SLIT1: variants seen among roughly 807,000 people sequenced by gnomAD.
SLIT1 encodes the protein slit guidance ligand 1.
A neutral mutation model predicts 186.1 loss-of-function variants in SLIT1; 66 were observed. That is an observed-to-expected ratio of 0.35 (90% CI 0.29 to 0.44). The LOEUF is 0.44. Among genes scored for constraint, SLIT1 ranks in the 20% least tolerant of loss-of-function variants. The pLI is 1.00. For missense variants in SLIT1, 1,638 were observed against 2,037.4 expected (o/e 0.80, Z 3.77); for synonymous variants, 761 against 833.8 (o/e 0.91, Z 1.50).
intron 5 of SLIT1, 27 bp downstream of exon 5, chr10:97,065,988 C>G: frequency 6.4e-7 from 1 of 1,554,626 alleles, no homozygotes; most frequent in South Asian, 1.2e-5. Context: ...GCCCCCACAC[C>G]CTTCTCCCTC....
chr10:97,146,647 C>G (rs1052445694), intron 4 of SLIT1, among the ~76,000 whole-genome samples: 10 of 151,524 alleles, frequency 6.6e-5, no homozygotes, highest in African/African-American at 2.4e-4. Context: ...GTTTCTGGAC[C>G]ACAAGTCCAG....
rs1848344362 is a variant in SLIT1, at chr10:97,004,689, C to T, written c.3710+4G>A. The T allele has an allele frequency of 6.2e-7, 1 of 1,613,996 alleles. No individual in the cohort carries two copies. Among genetic ancestry groups the T allele is most frequent in the Non-Finnish European group, 8.5e-7 (1 of 1,180,002 alleles). ...GGCAGCTGGGGGGCATAAGGAAGCC[C>T]TACCTGTAGATGGCAGAGCTGGGGT... On this transcript the variant is annotated splice_donor_region_variant and intron_variant, in intron 33 of 36. Transcript: ENST00000266058. This position sits in a 1 kb window ranked among gnomAD's most constrained non-coding sequence, Gnocchi z 5.1.
At position 97,176,585 on chromosome 10, in the gene SLIT1, G is replaced by T. The variant is rs180739115; in HGVS notation, c.197+8893C>A. Among the ~76,000 whole-genome samples the T allele has an allele frequency of 2.6e-5, 4 of 152,196 alleles. No homozygotes were observed. The East Asian group carries it at 7.7e-4, about 29-fold the overall frequency. ...GCCGGCCATCTGCCTCCTGCCTTCC[G>T]CTTCTCCCAGGAAACTGCTCTGCCC... On this transcript the variant is annotated intron_variant, in intron 1 of 36. Transcript: ENST00000266058.
intron 4 of SLIT1, among the ~76,000 whole-genome samples, chr10:97,142,447 C>G (rs545886214): frequency 6.6e-6 from 1 of 152,330 alleles, no homozygotes; most frequent in East Asian, 1.9e-4. Context: ...GGACCCTTAT[C>G]TGATACCATA....
chr10:97,076,436 C>T (rs761076104), intron 4 of SLIT1, among the ~76,000 whole-genome samples: 2 of 152,142 alleles, frequency 1.3e-5, no homozygotes, highest in Admixed American at 6.5e-5. Flanking sequence ...TGGACCATCC[C>T]GCCTTTGTCT....
intron 2 of SLIT1, 99 bp downstream of exon 2, chr10:97,164,720 C>T (rs1589418163): frequency 1.1e-6 from 1 of 878,640 alleles, no homozygotes; most frequent in South Asian, 1.4e-5. Flanking sequence ...GGTAGAGGGG[C>T]CCAGACAGCC....
At chr10:97,037,795 C>A (rs762389716) in intron 21 of SLIT1, 29 bp from the exon 22 acceptor site, 1 of 1,574,796 alleles carries the variant, frequency 6.4e-7, no homozygotes, top group Non-Finnish European at 8.7e-7. Context: ...GGCGTTAGTG[C>A]CCATCTCCAC....
chr10:97,181,815 G>A (rs1207775006), intron 1 of SLIT1, among the ~76,000 whole-genome samples: 1 of 152,172 alleles, frequency 6.6e-6, no homozygotes, highest in East Asian at 1.9e-4. Context: ...TCTGCACAAG[G>A]GGAACCTTCC....
At chr10:97,090,152 CAGTGGGGGAGCCAAAAA>C (rs887864552) in intron 4 of SLIT1, among the ~76,000 whole-genome samples, 3 of 152,190 alleles carry the variant, frequency 2.0e-5, no homozygotes, top group Non-Finnish European at 4.4e-5. Context: ...GCTTCCATCC[CAGTGGGGGAGCCAAAAA>C]CCACCCACAT....
chr10:97,143,857 T>C (rs185926459), intron 4 of SLIT1, among the ~76,000 whole-genome samples: 3 of 152,302 alleles, frequency 2.0e-5, no homozygotes, highest in Admixed American at 1.3e-4. Context: ...GTATGTATGT[T>C]CTAGGAAGGA....
intron 28 of SLIT1, among the ~76,000 whole-genome samples, chr10:97,017,199 C>T (rs549340421): frequency 5.5e-4 from 84 of 152,294 alleles, no homozygotes; most frequent in African/African-American, 1.9e-3. Flanking sequence ...ATGAGGAGGG[C>T]GCGCCCAGGG....
At chr10:97,117,522 G>A (rs1248832646) in intron 4 of SLIT1, among the ~76,000 whole-genome samples, 1 of 152,166 alleles carries the variant, frequency 6.6e-6, no homozygotes, top group Admixed American at 6.5e-5. Flanking sequence ...ATCCACAAGG[G>A]TGTGGATTTC....
chr10:97,079,541 G>A (rs1026591289), intron 4 of SLIT1, among the ~76,000 whole-genome samples: 9 of 152,222 alleles, frequency 5.9e-5, no homozygotes, highest in Admixed American at 1.3e-4. Context: ...CCTGCTGGAG[G>A]AGACAAATGC....
intron 13 of SLIT1, among the ~76,000 whole-genome samples, chr10:97,052,838 C>T (rs368831508): frequency 1.5e-3 from 226 of 152,198 alleles, no homozygotes; most frequent in African/African-American, 5.2e-3. Flanking sequence ...AATAATAGTA[C>T]CTGATAGTAC....
At chr10:97,182,989 TCTGCAAGAAAGCAGGCCCCATGAC>T (rs1850362023) in intron 1 of SLIT1, among the ~76,000 whole-genome samples, 1 of 148,258 alleles carries the variant, frequency 6.7e-6, no homozygotes, top group Non-Finnish European at 1.5e-5. Context: ...AAAAAAGACG[TCTGCAAGAAAGCAGGCCCCATGAC>T]CTGACAAGCA....
chr10:97,149,900 G>A (rs183763422), intron 4 of SLIT1, among the ~76,000 whole-genome samples: 1 of 152,302 alleles, frequency 6.6e-6, no homozygotes, highest in Non-Finnish European at 1.5e-5. Flanking sequence ...TCTGCCCTGG[G>A]AGCTGTATGG....
rs1363054222 is a variant in SLIT1, at chr10:97,006,480, C to T, written c.3579+3G>A. On this transcript the variant is annotated splice_donor_region_variant and intron_variant, in intron 32 of 36. Coordinates refer to ENST00000266058, the MANE Select transcript of SLIT1 (RefSeq NM_003061.3). The surrounding 1 kb of genome is among the most constrained non-coding windows in gnomAD (Gnocchi z 4.0). ...CTCTGTGACCAAGCCCCCTGGCACG[C>T]ACCTGCAACGTGATGTTGGCCCGTG... 5 of 1,608,914 alleles carry T rather than the reference C, an allele frequency of 3.1e-6. No homozygotes were observed. Among genetic ancestry groups the T allele is most frequent in the Non-Finnish European group, 4.3e-6 (5 of 1,175,366 alleles).
At chr10:97,119,787 C>T (rs953443125) in intron 4 of SLIT1, among the ~76,000 whole-genome samples, 2 of 151,370 alleles carry the variant, frequency 1.3e-5, no homozygotes, top group African/African-American at 4.9e-5. Flanking sequence ...TAGATCAGTC[C>T]CTTCGTTCTC....
chr10:97,134,867 C>G (rs1489007640), intron 4 of SLIT1, among the ~76,000 whole-genome samples: 1 of 152,174 alleles, frequency 6.6e-6, no homozygotes, highest in African/African-American at 2.4e-5. Flanking sequence ...TTGGATGAAC[C>G]TCCCTCCCAG....
Sources: gnomAD v4.1 joint callset for allele counts (sites outside exome capture counted in the v4.1 genomes callset) on GRCh38, gnomAD v4.1.1 for gene constraint, Gnocchi (gnomAD v3.1) non-coding constraint, MANE v1.5 for transcripts, NCBI Gene and HGNC (gene_info 2026-07-23, HGNC 2026-07-21) for gene names.